ADGRL2: variants seen among roughly 807,000 people sequenced by gnomAD.
The protein encoded by ADGRL2 is calcium-independent alpha-latrotoxin receptor 2.
ADGRL2 carries 44 observed loss-of-function variants against 157.4 expected under a neutral mutation model. The observed-to-expected ratio is 0.28, with a 90% CI of 0.22 to 0.36. The LOEUF is 0.36. ADGRL2 is among the 10% of genes least tolerant of loss of function. ADGRL2 has a pLI of 1.00. For synonymous variants in ADGRL2, 585 were observed against 624.7 expected, an observed-to-expected ratio of 0.94 and a Z score of 0.95; for missense variants, 1,510 against 1,768.9, an observed-to-expected ratio of 0.85 and a Z score of 2.63.
intron 3 of ADGRL2, among the ~76,000 whole-genome samples, chr1:81,645,716 T>G (rs1237927185): frequency 6.6e-6 from 1 of 152,204 alleles, no homozygotes; most frequent in African/African-American, 2.4e-5. Flanking sequence ...ACCTAGTGTG[T>G]CATGATATGA....
intron 3 of ADGRL2, among the ~76,000 whole-genome samples, chr1:81,683,729 A>T (rs1241167882): frequency 6.6e-6 from 1 of 151,914 alleles, no homozygotes; most frequent in Non-Finnish European, 1.5e-5. Context: ...TCATTGACCG[A>T]TGGGCATTGG....
intron 2 of ADGRL2, among the ~76,000 whole-genome samples, chr1:81,782,432 A>G (rs1023218394): frequency 6.6e-6 from 1 of 152,168 alleles, no homozygotes; most frequent in African/African-American, 2.4e-5. Flanking sequence ...TCTACAGTAA[A>G]ATGGATATAC....
chr1:81,406,065 A>G, intron 1 of ADGRL2, among the ~76,000 whole-genome samples: 1 of 152,238 alleles, frequency 6.6e-6, no homozygotes, highest in East Asian at 1.9e-4. Flanking sequence ...TTAAGCATAC[A>G]TTAAAGTATT....
intron 2 of ADGRL2, among the ~76,000 whole-genome samples, chr1:81,478,149 TC>T (rs1386264030): frequency 6.6e-6 from 1 of 152,176 alleles, no homozygotes; most frequent in Non-Finnish European, 1.5e-5. Context: ...CGATAATTAT[TC>T]CTTGGGGGAG....
intron 1 of ADGRL2, among the ~76,000 whole-genome samples, chr1:81,394,976 G>A (rs2076629380): frequency 6.6e-6 from 1 of 151,798 alleles, no homozygotes; most frequent in Non-Finnish European, 1.5e-5. Context: ...TCAGCTCACT[G>A]CAACATCCAC....
chr1:81,552,401 A>G (rs1258128256), intron 2 of ADGRL2, among the ~76,000 whole-genome samples: 1 of 152,106 alleles, frequency 6.6e-6, no homozygotes, highest in African/African-American at 2.4e-5. Context: ...TTCTTGCTCT[A>G]TAAAGGTTTC....
chr1:81,737,843 T>C (rs1388888601), intron 1 of ADGRL2, among the ~76,000 whole-genome samples: 1 of 152,168 alleles, frequency 6.6e-6, no homozygotes, highest in Non-Finnish European at 1.5e-5. Context: ...ACAACGCATG[T>C]CTCTTTTTAA....
chr1:81,656,329 A>G (rs1295581192), intron 3 of ADGRL2, among the ~76,000 whole-genome samples: 1 of 152,208 alleles, frequency 6.6e-6, no homozygotes, highest in East Asian at 1.9e-4. Flanking sequence ...ACCTCACTGA[A>G]GTTAAGAAGT....
intron 2 of ADGRL2, among the ~76,000 whole-genome samples, chr1:81,541,421 A>G (rs1035073752): frequency 2.6e-5 from 4 of 152,052 alleles, no homozygotes; most frequent in African/African-American, 9.7e-5. Flanking sequence ...CTGCACTTAC[A>G]CTTTACCAGT....
chr1:81,895,593 C>T (rs1442606854), intron 2 of ADGRL2, among the ~76,000 whole-genome samples: 1 of 151,810 alleles, frequency 6.6e-6, no homozygotes, highest in East Asian at 1.9e-4. Context: ...CGGGGTTTCA[C>T]CATGTTGGCC....
intron 1 of ADGRL2, 45 bp from the exon 2 acceptor site, chr1:81,836,840 T>C (rs904381861): frequency 1.9e-5 from 10 of 526,104 alleles, no homozygotes; most frequent in Non-Finnish European, 3.4e-5. Flanking sequence ...TGTTTTGTTA[T>C]GTAGAAAGAC....
chr1:81,986,836 A>G (rs757623119), intron 21 of ADGRL2, 65 bp from the exon 22 acceptor site: 226 of 1,528,100 alleles, frequency 1.5e-4, no homozygotes, highest in Non-Finnish European at 2.0e-4. Context: ...CTACAACTGT[A>G]ACACTAAAAT....
intron 3 of ADGRL2, among the ~76,000 whole-genome samples, chr1:81,926,805 C>T (rs982476233): frequency 2.6e-5 from 4 of 151,836 alleles, no homozygotes; most frequent in African/African-American, 9.7e-5. Flanking sequence ...AAAGCAAGCA[C>T]ATTTATGTTG....
chr1:81,801,213 CTTT>C (rs1037047517), intron 1 of ADGRL2, among the ~76,000 whole-genome samples, 145 bp downstream of exon 1: 1 of 152,204 alleles, frequency 6.6e-6, no homozygotes, highest in African/African-American at 2.4e-5. Flanking sequence ...CTGTAATCTT[CTTT>C]TGAGTTTGCC....
At chr1:81,404,251 G>A (rs570764216) in intron 1 of ADGRL2, among the ~76,000 whole-genome samples, 18 of 152,192 alleles carry the variant, frequency 1.2e-4, no homozygotes, top group Admixed American at 1.2e-3. Context: ...TCTTAGGCAA[G>A]GTAATCAACT....
At chr1:81,976,545 A>G (rs577874661) in intron 17 of ADGRL2, among the ~76,000 whole-genome samples, 12 of 152,134 alleles carry the variant, frequency 7.9e-5, no homozygotes, top group African/African-American at 2.9e-4. Flanking sequence ...AGTTGTCTTT[A>G]AAGGAACTCA....
At chr1:81,806,438 G>C (rs1369133314) in intron 1 of ADGRL2, among the ~76,000 whole-genome samples, 4 of 151,922 alleles carry the variant, frequency 2.6e-5, no homozygotes, top group African/African-American at 9.6e-5. Flanking sequence ...TAAAACTAAG[G>C]TTTACTTAGG....
intron 3 of ADGRL2, among the ~76,000 whole-genome samples, chr1:81,654,730 G>A (rs1038580442): frequency 6.6e-6 from 1 of 152,126 alleles, no homozygotes; most frequent in Non-Finnish European, 1.5e-5. Flanking sequence ...CATATTGCAG[G>A]TGTTAGCTCA....
intron 3 of ADGRL2, among the ~76,000 whole-genome samples, chr1:81,920,490 C>G (rs980316071): frequency 6.6e-6 from 1 of 152,084 alleles, no homozygotes; most frequent in African/African-American, 2.4e-5. Context: ...GGAACTGCCA[C>G]GGGCTGAAGG....
Sources: allele counts gnomAD v4.1 joint callset (sites outside exome capture counted in the v4.1 genomes callset), GRCh38; gene constraint gnomAD v4.1.1; transcripts MANE v1.5; gene names NCBI Gene and HGNC (gene_info 2026-07-23, HGNC 2026-07-21).